FAT3: variants seen among roughly 807,000 people sequenced by gnomAD.
The protein encoded by FAT3 is FAT atypical cadherin 3, also known as protocadherin Fat 3.
A neutral mutation model predicts 310.2 loss-of-function variants in FAT3; 95 were observed. That is an observed-to-expected ratio of 0.31 (90% confidence interval 0.26 to 0.36). FAT3 has a LOEUF of 0.36. Ranked by LOEUF, FAT3 falls within the 10% of genes least tolerant of loss-of-function variation. FAT3 has a pLI of 1.00. For missense variants in FAT3, 5,408 were observed against 5,715.6 expected, an observed-to-expected ratio of 0.95 and a Z score of 1.74; for synonymous variants, 2,314 against 2,192.9, an observed-to-expected ratio of 1.06 and a Z score of -1.54.
At chr11:92,268,628 C>A (rs1232758114) in intron 1 of FAT3, among the ~76,000 whole-genome samples, 1 of 152,094 alleles carries the variant, frequency 6.6e-6, no homozygotes, top group Non-Finnish European at 1.5e-5. Context: ...TAATTTTAAT[C>A]TCTGGTTGCT....
intron 4 of FAT3, among the ~76,000 whole-genome samples, chr11:92,711,669 G>T (rs1944526009): frequency 6.6e-6 from 1 of 152,190 alleles, no homozygotes; most frequent in African/African-American, 2.4e-5. Context: ...AAATTATACA[G>T]TGTAAGAAAT....
intron 2 of FAT3, among the ~76,000 whole-genome samples, chr11:92,404,149 A>G (rs575561417): frequency 1.3e-5 from 2 of 152,184 alleles, no homozygotes; most frequent in Non-Finnish European, 2.9e-5. Flanking sequence ...AAACTCATTC[A>G]TTAGTTCCTC....
chr11:92,652,114 T>C (rs1942401211), intron 3 of FAT3, among the ~76,000 whole-genome samples: 1 of 152,160 alleles, frequency 6.6e-6, no homozygotes, highest in South Asian at 2.1e-4. Context: ...TTTATGTCTT[T>C]TATATACATA....
At chr11:92,651,172 T>C (rs1942367204) in intron 3 of FAT3, among the ~76,000 whole-genome samples, 1 of 152,250 alleles carries the variant, frequency 6.6e-6, no homozygotes, top group Non-Finnish European at 1.5e-5. Context: ...AAATGGCTAC[T>C]GTTCACAAAA....
At chr11:92,366,288 G>C (rs1949020361) in intron 2 of FAT3, among the ~76,000 whole-genome samples, 1 of 152,186 alleles carries the variant, frequency 6.6e-6, no homozygotes, top group South Asian at 2.1e-4. Context: ...CTGTGCCCTA[G>C]AAGCATTATT....
Position 92,836,352 on chromosome 11 carries a change from CATAAAAATAAA to C in FAT3, c.10087-211_10087-201del, listed in dbSNP as rs1239362913. Among the ~76,000 whole-genome samples the C allele has an allele frequency of 1.4e-4, 21 of 152,222 alleles. 1 individual carries two copies. The East Asian group carries it at 4.1e-3, about 29-fold the overall frequency. ...AGGCTGTGGGCAGGTAAAAAATTAA[CATAAAAATAAA>C]ATGGCAGCTGCGGGCCTGGTGCCAC... On this transcript the variant is annotated intron_variant, in intron 15 of 27. Transcript: ENST00000525166.
intron 4 of FAT3, among the ~76,000 whole-genome samples, chr11:92,702,934 A>T (rs181987608): frequency 7.7e-4 from 117 of 152,350 alleles, no homozygotes; most frequent in South Asian, 7.5e-3. Context: ...CAATTATGTC[A>T]TATGTATGCA....
Position 92,857,025 on chromosome 11 carries a change from A to G in FAT3, c.11366-189A>G, listed in dbSNP as rs555206662. Among the ~76,000 whole-genome samples, 13 of 152,290 alleles carry G rather than the reference A, an allele frequency of 8.5e-5. No homozygotes were observed. The South Asian group carries it at 2.7e-3, about 32-fold the overall frequency. On this transcript the variant is annotated intron_variant, in intron 19 of 27. Coordinates refer to ENST00000525166, the MANE Select transcript of FAT3 (RefSeq NM_001367949.2). ...TGGCAGATGTAGGGAAATTGGATGGACACCCACACCAGGTGAAGCCCATTC... is the reference window on the plus strand; with the variant it reads ...TGGCAGATGTAGGGAAATTGGATGGGCACCCACACCAGGTGAAGCCCATTC...
chr11:92,302,015 A>C (rs996612298), intron 1 of FAT3, among the ~76,000 whole-genome samples: 4 of 152,062 alleles, frequency 2.6e-5, no homozygotes, highest in African/African-American at 9.7e-5. Context: ...TCAGGGATGA[A>C]AATGTGTATG....
At chr11:92,618,049 G>A (rs1450946284) in intron 3 of FAT3, among the ~76,000 whole-genome samples, 1 of 152,190 alleles carries the variant, frequency 6.6e-6, no homozygotes, top group Non-Finnish European at 1.5e-5. Context: ...AGTTTCTGCT[G>A]CCTTTTGTTC....
chr11:92,754,166 G>A (rs1304406723), intron 4 of FAT3, among the ~76,000 whole-genome samples: 2 of 151,736 alleles, frequency 1.3e-5, no homozygotes, highest in African/African-American at 4.8e-5. Context: ...AAAAAATAAA[G>A]ACAATATTTT....
chr11:92,667,573 T>C (rs1035010445), intron 3 of FAT3, among the ~76,000 whole-genome samples: 1 of 152,180 alleles, frequency 6.6e-6, no homozygotes, highest in East Asian at 1.9e-4. Context: ...AAGATCTTAT[T>C]GAATGGGGCT....
intron 27 of FAT3, among the ~76,000 whole-genome samples, chr11:92,890,287 C>T (rs1949886989): frequency 6.6e-6 from 1 of 152,210 alleles, no homozygotes; most frequent in Admixed American, 6.5e-5. Context: ...GGCTCTGCAG[C>T]AACCAGGCAT....
rs1327980810 is a variant in FAT3, at chr11:92,558,995, C to T, written c.3607+34047C>T. 2.0e-5 allele frequency among the ~76,000 whole-genome samples: 3 copies of T among 152,256 alleles called. No homozygotes were observed. In the East Asian group the frequency reaches 5.8e-4, roughly 29 times the overall value. On this transcript the variant is annotated intron_variant, in intron 3 of 27. Transcript: ENST00000525166. The stretch of plus-strand genomic sequence containing the variant: ...ACATGCTAGGTGTCCTGCTAAGTTC[C>T]TTCTATACATCTTACTTAATTGTCA...
chr11:92,521,259 TTC>T (rs1283653038), intron 2 of FAT3, among the ~76,000 whole-genome samples: 1 of 151,690 alleles, frequency 6.6e-6, no homozygotes, highest in African/African-American at 2.4e-5. Context: ...TTGAATTATG[TTC>T]TCTTTTTAGT....
chr11:92,269,446 C>T (rs1434019141), intron 1 of FAT3, among the ~76,000 whole-genome samples: 1 of 152,086 alleles, frequency 6.6e-6, no homozygotes, highest in African/African-American at 2.4e-5. Flanking sequence ...TTTTATTCTT[C>T]TAGTTTTATC....
At chr11:92,470,569 C>A (rs973292825) in intron 2 of FAT3, among the ~76,000 whole-genome samples, 1 of 152,090 alleles carries the variant, frequency 6.6e-6, no homozygotes, top group African/African-American at 2.4e-5. Flanking sequence ...ATTGTAAGTC[C>A]TTTGGGAAAC....
chr11:92,859,426 G>A (rs1490124039), intron 21 of FAT3, 104 bp downstream of exon 21: 14 of 1,220,154 alleles, frequency 1.1e-5, no homozygotes, highest in Non-Finnish European at 1.4e-5. Context: ...AAGTTCAGAA[G>A]ACCAGAAGCA....
chr11:92,402,439 GA>G (rs1424369538), intron 2 of FAT3, among the ~76,000 whole-genome samples: 2 of 151,998 alleles, frequency 1.3e-5, no homozygotes, highest in African/African-American at 4.8e-5. Flanking sequence ...TATTACTCAA[GA>G]ATTCTCGGTC....
Sources: gnomAD v4.1 joint callset for allele counts (sites outside exome capture counted in the v4.1 genomes callset) on GRCh38, gnomAD v4.1.1 for gene constraint, MANE v1.5 for transcripts, NCBI Gene and HGNC (gene_info 2026-07-23, HGNC 2026-07-21) for gene names.